Variants in PLCG2 observed in about 807,000 individuals in gnomAD.
The protein encoded by PLCG2 is 1-phosphatidylinositol 4,5-bisphosphate phosphodiesterase gamma-2.
PLCG2 carries 69 observed loss-of-function variants against 175.6 expected under a neutral mutation model. The observed-to-expected ratio is 0.39, with a 90% CI of 0.32 to 0.48. The LOEUF (loss-of-function observed/expected upper bound fraction) is 0.48. Among genes scored for constraint, PLCG2 ranks in the 20% least tolerant of loss-of-function variants. PLCG2 has a pLI of 0.91. For missense variants in PLCG2, 1,798 were observed against 1,650.9 expected, an observed-to-expected ratio of 1.09 and a Z score of -1.54; for synonymous variants, 827 against 624.0, an observed-to-expected ratio of 1.33 and a Z score of -4.85.
intron 5 of PLCG2, among the ~76,000 whole-genome samples, chr16:81,860,166 A>ATTTTTTTT (rs1264129417): frequency 2.0e-5 from 2 of 99,668 alleles, no homozygotes; most frequent in African/African-American, 7.0e-5. Context: ...TATTATTATT[A>ATTTTTTTT]TTATTATTTT....
intron 1 of PLCG2, among the ~76,000 whole-genome samples, chr16:81,784,693 T>G (rs1910892316): frequency 1.3e-5 from 2 of 152,238 alleles, no homozygotes; most frequent in African/African-American, 2.4e-5. Context: ...TTTAAGGGCC[T>G]GAGATACATT....
At chr16:81,880,046 C>T (rs972445739) in intron 7 of PLCG2, among the ~76,000 whole-genome samples, 2 of 152,196 alleles carry the variant, frequency 1.3e-5, no homozygotes, top group Non-Finnish European at 2.9e-5. Flanking sequence ...TCAAGACCAT[C>T]CTGGGCAACA....
rs557194331 is a variant in PLCG2 at position 81,795,218 on chromosome 16, G to A, written c.193+9036G>A. On this transcript the variant is annotated intron_variant, in intron 2 of 32. Transcript: ENST00000564138. ...CTAACACATTCAATCATGTTGGATC[G>A]TGATAGACGCTAGGAAGGAAAGGAA... 3.8e-4 allele frequency among the ~76,000 whole-genome samples: 58 copies of A among 152,290 alleles called. 1 individual carries two copies. Among genetic ancestry groups the A allele is most frequent in the Admixed American group, 2.6e-3 (40 of 15,290 alleles).
chr16:81,840,302 CA>C (rs1277151070), intron 2 of PLCG2, among the ~76,000 whole-genome samples: 1 of 152,158 alleles, frequency 6.6e-6, no homozygotes, highest in African/African-American at 2.4e-5. Context: ...CTCAGAGCAG[CA>C]GTCCCAGACT....
chr16:81,920,277 C>T (rs1390800613), intron 20 of PLCG2, among the ~76,000 whole-genome samples: 1 of 152,144 alleles, frequency 6.6e-6, no homozygotes, highest in African/African-American at 2.4e-5. Context: ...TCCATTCCTA[C>T]CACATAGATC....
At chr16:81,956,955 C>A (rs1911596414) in intron 32 of PLCG2, 76 bp downstream of exon 32, 1 of 1,295,468 alleles carries the variant, frequency 7.7e-7, no homozygotes, top group East Asian at 2.3e-5. Flanking sequence ...ACGGGCCAGG[C>A]TTCTGGAAAG....
At chr16:81,847,821 A>G (rs1010052087) in intron 2 of PLCG2, among the ~76,000 whole-genome samples, 1 of 152,216 alleles carries the variant, frequency 6.6e-6, no homozygotes, top group African/African-American at 2.4e-5. Flanking sequence ...GGATGTGCAT[A>G]GGCTGTATGC....
At chr16:81,754,380 A>T (rs185107596) in intron 1 of PLCG2, among the ~76,000 whole-genome samples, 17 of 4,776 alleles carry the variant, frequency 3.6e-3, no homozygotes, top group South Asian at 0.017. Flanking sequence ...CCTCCTCCCC[A>T]CCCCTCCCCA....
chr16:81,912,134 T>C (rs1384125279), intron 18 of PLCG2, among the ~76,000 whole-genome samples: 3 of 152,034 alleles, frequency 2.0e-5, no homozygotes, highest in Non-Finnish European at 1.5e-5. Flanking sequence ...AGTTTCGCCA[T>C]GTTGGTCAGG....
intron 1 of PLCG2, among the ~76,000 whole-genome samples, 156 bp downstream of exon 1, chr16:81,779,580 G>C (rs1301916410): frequency 6.6e-6 from 1 of 151,970 alleles, no homozygotes; most frequent in Non-Finnish European, 1.5e-5. Flanking sequence ...CCGGCCCGCC[G>C]TGCCCGGGGT....
At chr16:81,744,442 C>T (rs1228913734) in intron 1 of PLCG2, among the ~76,000 whole-genome samples, 3 of 150,866 alleles carry the variant, frequency 2.0e-5, no homozygotes, top group South Asian at 2.1e-4. Context: ...GGATTACAGG[C>T]GTGAGCCACC....
At chr16:81,756,457 G>T (rs1248753478) in intron 2 of PLCG2, among the ~76,000 whole-genome samples, 1 of 152,190 alleles carries the variant, frequency 6.6e-6, no homozygotes, top group Non-Finnish European at 1.5e-5. Context: ...GGGAACGGAG[G>T]CAGAGAGAGG....
intron 1 of PLCG2, among the ~76,000 whole-genome samples, chr16:81,744,943 G>T (rs1305541860): frequency 6.6e-6 from 1 of 152,220 alleles, no homozygotes. Flanking sequence ...GAAGGAAGGG[G>T]AAAGGAAGAA....
intron 31 of PLCG2, among the ~76,000 whole-genome samples, chr16:81,949,569 C>G (rs1377763242): frequency 6.6e-6 from 1 of 152,112 alleles, no homozygotes; most frequent in Non-Finnish European, 1.5e-5. Context: ...ATCATGTATC[C>G]TACTCAAGGG....
chr16:81,849,207 G>A (rs1414690449), intron 2 of PLCG2, among the ~76,000 whole-genome samples: 1 of 152,156 alleles, frequency 6.6e-6, no homozygotes, highest in Non-Finnish European at 1.5e-5. Context: ...TATTTCGTAA[G>A]GTGACTGTGG....
intron 2 of PLCG2, among the ~76,000 whole-genome samples, chr16:81,758,791 C>G (rs1329982979): frequency 6.6e-6 from 1 of 152,074 alleles, no homozygotes; most frequent in Non-Finnish European, 1.5e-5. Context: ...GATTCTCCTG[C>G]CTCAGCCTCC....
intron 2 of PLCG2, among the ~76,000 whole-genome samples, chr16:81,852,700 T>G (rs889380522): frequency 2.6e-5 from 4 of 152,246 alleles, no homozygotes; most frequent in Non-Finnish European, 5.9e-5. Flanking sequence ...TCCCAGTGTT[T>G]AGTGGCTTAA....
intron 8 of PLCG2, among the ~76,000 whole-genome samples, chr16:81,882,736 C>T (rs1456291109): frequency 6.6e-6 from 1 of 151,790 alleles, no homozygotes; most frequent in Non-Finnish European, 1.5e-5. Flanking sequence ...TCTTGCTCAC[C>T]CCACCTCATT....
chr16:81,797,550 A>G (rs892347337), intron 2 of PLCG2, among the ~76,000 whole-genome samples: 3 of 152,324 alleles, frequency 2.0e-5, no homozygotes, highest in South Asian at 4.1e-4. Context: ...TCTGTTCATA[A>G]GGGGGACTTC....
Sources: gnomAD v4.1 joint callset for allele counts (sites outside exome capture counted in the v4.1 genomes callset) on GRCh38, gnomAD v4.1.1 for gene constraint, MANE v1.5 for transcripts, NCBI Gene and HGNC (gene_info 2026-07-23, HGNC 2026-07-21) for gene names.